Variants in RAB11FIP4 observed in about 807,000 individuals in gnomAD.
RAB11FIP4 encodes the protein rab11 family-interacting protein 4.
In RAB11FIP4, 23 loss-of-function variants were observed where a neutral mutation model predicts 74.3. The observed-to-expected ratio is 0.31, with a 90% CI of 0.22 to 0.44. The LOEUF (loss-of-function observed/expected upper bound fraction) is 0.44. Among genes scored for constraint, RAB11FIP4 ranks in the 20% least tolerant of loss-of-function variants. The pLI is 1.00. For missense variants in RAB11FIP4, 630 were observed against 863.9 expected, an observed-to-expected ratio of 0.73 and a Z score of 3.39; for synonymous variants, 360 against 359.9, an observed-to-expected ratio of 1.00 and a Z score of 0.00.
In RAB11FIP4 at chr17:31,537,920, G is replaced by GC; in HGVS notation, c.*6190dup. 6.5e-6 allele frequency: 1 copy of GC among 152,728 alleles called. No individual in the cohort carries two copies. The highest frequency in any genetic ancestry group is 1.5e-5 in the Non-Finnish European group (1 of 68,094). The allele number at this position is 152,728 out of a possible 1,614,324, so 9.5% of individuals were successfully genotyped here. On this transcript the variant is annotated 3_prime_UTR_variant, in exon 15 of 15. Coordinates refer to ENST00000621161, the MANE Select transcript of RAB11FIP4 (RefSeq NM_032932.6). Reference sequence around the variant, plus strand: ...CTACGTGGAATGAACTACACATGTGGCCTCATGCCCAAGGGTTTGTTAGAT... The same window carrying GC: ...CTACGTGGAATGAACTACACATGTGGCCCTCATGCCCAAGGGTTTGTTAGAT...
At chr17:31,487,571 G>C (rs2071919108) in intron 3 of RAB11FIP4, among the ~76,000 whole-genome samples, 1 of 152,134 alleles carries the variant, frequency 6.6e-6, no homozygotes, top group South Asian at 2.1e-4. Flanking sequence ...GTTGTGGGTA[G>C]GACTCTGGAT....
At chr17:31,525,566 G>A (rs765620809) in intron 10 of RAB11FIP4, 5 of 289,912 alleles carry the variant, frequency 1.7e-5, no homozygotes, top group Non-Finnish European at 2.6e-5. Context: ...CTGGTGGACT[G>A]AGCCAGAGCC....
chr17:31,448,286 G>T (rs771076764), intron 3 of RAB11FIP4: 3 of 150,044 alleles, frequency 2.0e-5, no homozygotes, highest in South Asian at 2.1e-4. Flanking sequence ...TGTTACTCAG[G>T]CTGGAGTGCA....
At chr17:31,516,819 G>A (rs1202303224) in intron 3 of RAB11FIP4, among the ~76,000 whole-genome samples, 1 of 152,194 alleles carries the variant, frequency 6.6e-6, no homozygotes, top group Admixed American at 6.5e-5. Context: ...CCCAAGCATA[G>A]GGGATCAAGA....
chr17:31,439,178 G>A (rs779538709), intron 3 of RAB11FIP4, among the ~76,000 whole-genome samples: 2 of 152,290 alleles, frequency 1.3e-5, no homozygotes, highest in Admixed American at 6.5e-5. Context: ...AGCAAGCATC[G>A]TTATCCATGC....
At chr17:31,524,984 C>A in intron 9 of RAB11FIP4, 106 bp from the exon 10 acceptor site, 1 of 1,361,478 alleles carries the variant, frequency 7.3e-7, no homozygotes, top group Non-Finnish European at 1.0e-6. Context: ...CCTCAGTGGA[C>A]ATGCCAGTGA....
intron 13 of RAB11FIP4, among the ~76,000 whole-genome samples, chr17:31,529,800 A>T (rs2072834237): frequency 6.6e-6 from 1 of 152,144 alleles, no homozygotes. Context: ...CTCCTAGTCT[A>T]GGGGTGGGGT....
chr17:31,488,163 C>A, intron 3 of RAB11FIP4: 1 of 1,067,734 alleles, frequency 9.4e-7, no homozygotes, highest in African/African-American at 1.7e-5. Context: ...TCCTGCGCTT[C>A]GGGGCTGCCC....
intron 1 of RAB11FIP4, among the ~76,000 whole-genome samples, chr17:31,406,372 G>A (rs1340998450): frequency 1.3e-5 from 2 of 152,190 alleles, no homozygotes; most frequent in Admixed American, 1.3e-4. Flanking sequence ...CTGTGTGGGT[G>A]GAATCCAGGG....
chr17:31,469,948 T>A (rs2071722107), intron 3 of RAB11FIP4, among the ~76,000 whole-genome samples: 1 of 152,220 alleles, frequency 6.6e-6, no homozygotes, highest in African/African-American at 2.4e-5. Flanking sequence ...ACATAAATAC[T>A]AAATGAAGGA....
intron 3 of RAB11FIP4, among the ~76,000 whole-genome samples, chr17:31,448,101 C>T (rs1309043372): frequency 5.3e-5 from 8 of 152,186 alleles, no homozygotes; most frequent in African/African-American, 1.2e-4. Flanking sequence ...TGTAAGCCAC[C>T]GCGCCCTGCG....
chr17:31,521,489 G>A, intron 5 of RAB11FIP4, 129 bp downstream of exon 5: 1 of 821,558 alleles, frequency 1.2e-6, no homozygotes, highest in East Asian at 2.8e-5. Flanking sequence ...CTTGAGTTCT[G>A]CTCCTGGGGC....
intron 3 of RAB11FIP4, among the ~76,000 whole-genome samples, chr17:31,480,760 C>G (rs975783835): frequency 7.0e-6 from 1 of 142,306 alleles, no homozygotes; most frequent in Admixed American, 7.4e-5. Context: ...TGCACTCCAG[C>G]CTGGCGACAG....
chr17:31,514,143 G>A (rs1228714203), intron 3 of RAB11FIP4, among the ~76,000 whole-genome samples: 1 of 152,228 alleles, frequency 6.6e-6, no homozygotes, highest in Non-Finnish European at 1.5e-5. Context: ...TGCCCTGCCT[G>A]TGCCTGAGCC....
rs547487316 is a variant in RAB11FIP4, at chr17:31,408,248, A to G, written c.159+16237A>G. Among the ~76,000 whole-genome samples the G allele has an allele frequency of 3.9e-5, 6 of 152,302 alleles. No homozygotes were observed. In the East Asian group the frequency reaches 5.8e-4, roughly 15 times the overall value. ...AAAAATCCTTCTGATAGTCTTCATT[A>G]TTTATGGATTTTGAAGAATGTAACA... On this transcript the variant is annotated intron_variant, in intron 1 of 14. Transcript: ENST00000621161.
At chr17:31,410,732 G>GA (rs1567646472) in intron 1 of RAB11FIP4, among the ~76,000 whole-genome samples, 2 of 152,030 alleles carry the variant, frequency 1.3e-5, no homozygotes, top group African/African-American at 4.8e-5. Flanking sequence ...TTGCTGCTGG[G>GA]AATATTCCCA....
intron 7 of RAB11FIP4, chr17:31,523,154 C>T (rs957561904): frequency 3.0e-6 from 1 of 330,348 alleles, no homozygotes; most frequent in Admixed American, 3.8e-5. Flanking sequence ...TGGAGCTGGG[C>T]TACCTCCTTG....
intron 3 of RAB11FIP4, among the ~76,000 whole-genome samples, chr17:31,497,176 C>T (rs1347810727): frequency 1.3e-5 from 2 of 152,212 alleles, no homozygotes; most frequent in East Asian, 1.9e-4. Flanking sequence ...CCAGCCTGAC[C>T]AACATGGTGA....
At chr17:31,432,580 G>T (rs1050710705) in intron 2 of RAB11FIP4, among the ~76,000 whole-genome samples, 1 of 151,974 alleles carries the variant, frequency 6.6e-6, no homozygotes, top group Non-Finnish European at 1.5e-5. Context: ...GCCTGGTCTT[G>T]AACTCCTGAG....
Sources: allele counts gnomAD v4.1 joint callset (sites outside exome capture counted in the v4.1 genomes callset), GRCh38; gene constraint gnomAD v4.1.1; transcripts MANE v1.5; gene names NCBI Gene and HGNC (gene_info 2026-07-23, HGNC 2026-07-21).